CYP17A1: variants seen among roughly 807,000 people sequenced by gnomAD.
CYP17A1 encodes cytochrome P450 family 17 subfamily A member 1.
CYP17A1 carries 27 observed loss-of-function variants against 38.5 expected under a neutral mutation model. The ratio of observed to expected loss-of-function variants is 0.70; its 90% CI spans 0.52 to 0.97. The LOEUF (loss-of-function observed/expected upper bound fraction) is 0.97. Among genes scored for constraint, CYP17A1 ranks in the 50% least tolerant of loss-of-function variants. The probability of loss-of-function intolerance (pLI) is 0.00; values close to 1 mark genes in which losing one functional copy is unlikely to be tolerated. For synonymous variants in CYP17A1, 263 were observed against 253.3 expected, an observed-to-expected ratio of 1.04 and a Z score of -0.36; for missense variants, 549 against 645.9, an observed-to-expected ratio of 0.85 and a Z score of 1.63.
rs372108005 is a variant in CYP17A1 at position 102,831,488 on chromosome 10, G to A, written c.1243+20C>T. ...CCAGGCTCGCTGTGTGGCCCAGGGC[G>A]CAGGACAGGACAGACTCACCAGGCA... On this transcript the variant is annotated intron_variant, in intron 7 of 7. Coordinates refer to ENST00000369887, the MANE Select transcript of CYP17A1 (RefSeq NM_000102.4). 1,091 of 1,613,408 alleles carry A rather than the reference G, an allele frequency of 6.8e-4. 1 individual carries two copies. Among genetic ancestry groups the A allele is most frequent in the Non-Finnish European group, 8.8e-4 (1,041 of 1,179,938 alleles).
At position 102,831,515 on chromosome 10, in the gene CYP17A1, G is replaced by T. The variant is rs749363066; in HGVS notation, c.1236C>A (p.Phe412Leu). The T allele has an allele frequency of 2.0e-5, 32 of 1,613,950 alleles. No individual in the cohort carries two copies. The highest frequency in any genetic ancestry group is 2.7e-5 in the Non-Finnish European group (32 of 1,180,030). ...AGGACAGGACAGACTCACCAGGCAT[G>T]AACTGATCCGGCTGGTGCCACTCCT... is the stretch of plus-strand genomic sequence containing the variant. ...NEKEWHQPDQ[F>L]MPERFLNPAG... The change falls in exon 7 of 8, where the codon TTC (phenylalanine) becomes TTA (leucine). Residue 412 changes from phenylalanine (F) to leucine (L), a missense_variant. This residue lies in a region of CYP17A1 where 257 missense variants were observed against 307.9 expected (regional missense o/e 0.83). Transcript: ENST00000369887.
intron 4 of CYP17A1, 166 bp from the exon 5 acceptor site, chr10:102,833,374 C>A: frequency 7.2e-7 from 1 of 1,394,694 alleles, no homozygotes. Flanking sequence ...CAGCCCCGGG[C>A]CCTCTTTAAA....
At chr10:102,836,331 C>T (rs1041189477) in intron 1 of CYP17A1, among the ~76,000 whole-genome samples, 2 of 151,870 alleles carry the variant, frequency 1.3e-5, no homozygotes, top group Non-Finnish European at 2.9e-5. Flanking sequence ...GTGGCATGCT[C>T]CTGTAGTCCC....
chr10:102,835,277 C>T lies in CYP17A1; in HGVS notation c.413G>A (p.Gly138Asp). ...ACTGATCTTCTCCAGCTTCTGATCG[C>T]CATCCTTGAACAGGGCAAAGGTGGC... ...AMATFALFKD[G>D]DQKLEKIICQ... Residue 138 changes from glycine (G) to aspartate (D), a missense_variant, in exon 2 of 8, where the codon GGC (glycine) becomes GAC (aspartate). This residue lies in a region of CYP17A1 where 289 missense variants were observed against 320.9 expected (regional missense o/e 0.90). Coordinates refer to ENST00000369887, the MANE Select transcript of CYP17A1 (RefSeq NM_000102.4). 2.5e-6 allele frequency: 4 copies of T among 1,613,738 alleles called. No individual in the cohort carries two copies. Among genetic ancestry groups the T allele is most frequent in the Non-Finnish European group, 3.4e-6 (4 of 1,179,636 alleles).
intron 2 of CYP17A1, 87 bp from the exon 3 acceptor site, chr10:102,835,101 G>A: frequency 1.8e-6 from 2 of 1,109,226 alleles, no homozygotes; most frequent in Non-Finnish European, 2.7e-6. Flanking sequence ...AGGAGCGGGG[G>A]ACAGATAGCA....
chr10:102,830,808 G>T lies in CYP17A1; in HGVS notation c.1421C>A (p.Pro474His). ...CACCTTGGGGATGCCTTCCAGGGAGGGCAGCTGCCCATCATCTGGCACCTC... is the reference window on the plus strand; with the variant it reads ...CACCTTGGGGATGCCTTCCAGGGAGTGCAGCTGCCCATCATCTGGCACCTC... ...DLEVPDDGQL[P>H]SLEGIPKVVF... The change falls in exon 8 of 8, where the codon CCC becomes CAC. Residue 474 changes from proline to histidine, a missense_variant. By Grantham distance (77) the Pro-to-His change is moderately conservative. Around this residue, in one of 3 missense-constraint regions of CYP17A1, gnomAD observed 257 missense variants for 307.9 expected, o/e 0.83. Transcript: ENST00000369887. This position sits in a 1 kb window ranked among gnomAD's most constrained non-coding sequence, Gnocchi z 4.1. 1 of 1,593,510 alleles carries T rather than the reference G, an allele frequency of 6.3e-7. No individual in the cohort carries two copies. The highest frequency in any genetic ancestry group is 8.6e-7 in the Non-Finnish European group (1 of 1,165,076).
chr10:102,834,001 G>T (rs755423628), intron 4 of CYP17A1, 35 bp downstream of exon 4: 4 of 892,378 alleles, frequency 4.5e-6, no homozygotes, highest in Non-Finnish European at 7.7e-6. Context: ...ATTACTTTTA[G>T]CCTAACTCAT....
Position 102,830,807 on chromosome 10 carries a change from G to A in CYP17A1, c.1422C>T (p.Pro474=), listed in dbSNP as rs777567532. The A allele has an allele frequency of 2.5e-6, 4 of 1,586,900 alleles. No homozygotes were observed. In the African/African-American group the frequency reaches 4.0e-5, roughly 16 times the overall value. Reference sequence around the variant, plus strand: ...CCACCTTGGGGATGCCTTCCAGGGAGGGCAGCTGCCCATCATCTGGCACCT... The same window carrying A: ...CCACCTTGGGGATGCCTTCCAGGGAAGGCAGCTGCCCATCATCTGGCACCT... ...DLEVPDDGQL[P]SLEGIPKVVF... The change falls in exon 8 of 8, where the codon CCC becomes CCT. Residue 474 remains proline, a synonymous_variant. Coordinates refer to ENST00000369887, the MANE Select transcript of CYP17A1 (RefSeq NM_000102.4). This position sits in a 1 kb window ranked among gnomAD's most constrained non-coding sequence, Gnocchi z 4.1.
intron 4 of CYP17A1, chr10:102,833,451 T>G: frequency 1.7e-6 from 1 of 592,752 alleles, no homozygotes; most frequent in Non-Finnish European, 2.8e-6. Flanking sequence ...CCCAACTCCT[T>G]GAGTCAGTTT....
intron 1 of CYP17A1, chr10:102,836,821 C>T (rs1213739041): frequency 1.8e-6 from 1 of 562,886 alleles, no homozygotes; most frequent in African/African-American, 1.9e-5. Flanking sequence ...CCTCAGACCA[C>T]TGTGGTCCTC....
chr10:102,832,359 A>G, intron 6 of CYP17A1, 152 bp downstream of exon 6: 1 of 681,840 alleles, frequency 1.5e-6, no homozygotes, highest in Non-Finnish European at 2.7e-6. Context: ...GGTGTGAGCC[A>G]CCGTGCCCGG....
At chr10:102,835,422 C>T in intron 1 of CYP17A1, 30 bp from the exon 2 acceptor site, 1 of 1,594,656 alleles carries the variant, frequency 6.3e-7, no homozygotes, top group Non-Finnish European at 8.6e-7. Flanking sequence ...CTGTAGGAAT[C>T]TCACACCATC....
chr10:102,832,463 G>C, intron 6 of CYP17A1, 48 bp downstream of exon 6: 1 of 1,273,696 alleles, frequency 7.9e-7, no homozygotes, highest in Non-Finnish European at 1.1e-6. Flanking sequence ...CTGGCAAGCA[G>C]TGTTGAATGC....
chr10:102,836,921 A>T (rs1042650928), intron 1 of CYP17A1, 144 bp downstream of exon 1: 3 of 731,984 alleles, frequency 4.1e-6, no homozygotes, highest in Non-Finnish European at 7.5e-6. Flanking sequence ...CTGAAGGTTC[A>T]CTCCCTTCAC....
At chr10:102,835,962 C>T (rs3781286) in intron 1 of CYP17A1, among the ~76,000 whole-genome samples, 58,730 of 151,962 alleles carry the variant, frequency 0.39, 11,518 homozygotes, top group East Asian at 0.56. Context: ...TGGGCCGAGC[C>T]GCCTCCTCCT....
At chr10:102,834,325 G>A in intron 3 of CYP17A1, 1 of 600,244 alleles carries the variant, frequency 1.7e-6, no homozygotes, top group Non-Finnish European at 3.1e-6. Context: ...CAAGGGAGGA[G>A]GGCGTGGTCT....
chr10:102,831,455 AG>A, intron 7 of CYP17A1, 52 bp downstream of exon 7: 1 of 1,607,312 alleles, frequency 6.2e-7, no homozygotes, highest in South Asian at 1.1e-5. Context: ...GGGGTGGTGG[AG>A]CAGAGTCCAG....
At chr10:102,832,800 C>A (rs557149890) in intron 5 of CYP17A1, 120 bp from the exon 6 acceptor site, 65 of 1,323,196 alleles carry the variant, frequency 4.9e-5, no homozygotes, top group Non-Finnish European at 6.2e-5. Flanking sequence ...CCAGTAGTGG[C>A]TCTGGGGCCC....
intron 6 of CYP17A1, among the ~76,000 whole-genome samples, chr10:102,832,087 A>C (rs986295345): frequency 6.6e-6 from 1 of 151,848 alleles, no homozygotes; most frequent in Non-Finnish European, 1.5e-5. Context: ...TTAATTATTT[A>C]TTTTGAGACA....
Sources: gnomAD v4.1 joint callset for allele counts (sites outside exome capture counted in the v4.1 genomes callset) on GRCh38, gnomAD v4.1.1 for gene constraint, gnomAD v4.1.1 regional missense constraint, Gnocchi (gnomAD v3.1) non-coding constraint, MANE v1.5 for transcripts, NCBI Gene and HGNC (gene_info 2026-07-23, HGNC 2026-07-21) for gene names.